Variants in DPP10 observed in about 807,000 individuals in gnomAD.
The protein encoded by DPP10 is inactive dipeptidyl peptidase 10.
Under a neutral mutation model 120.9 loss-of-function variants are expected in DPP10, and 33 were observed. The observed-to-expected ratio is 0.27, with a 90% CI of 0.21 to 0.37. The LOEUF (loss-of-function observed/expected upper bound fraction) is 0.37, where lower values mean the gene tolerates loss of function less well. Ranked by LOEUF, DPP10 falls within the 10% of genes least tolerant of loss-of-function variation. The pLI, the probability that DPP10 is intolerant of heterozygous loss-of-function variation, is 1.00. For synonymous variants in DPP10, 337 were observed against 326.1 expected (o/e 1.03, Z -0.36); for missense variants, 816 against 942.8 (o/e 0.87, Z 1.76).
At chr2:115,179,331 G>A (rs2053919877) in intron 1 of DPP10, among the ~76,000 whole-genome samples, 2 of 152,136 alleles carry the variant, frequency 1.3e-5, no homozygotes, top group South Asian at 4.1e-4. Flanking sequence ...CTAAAGGCTA[G>A]TAATGGACAT....
chr2:114,662,577 C>A (rs1356033823), intron 1 of DPP10, among the ~76,000 whole-genome samples: 2 of 152,186 alleles, frequency 1.3e-5, no homozygotes, highest in Non-Finnish European at 2.9e-5. Context: ...TTCCGGTTCT[C>A]AGAGGGCGCC....
chr2:114,741,010 G>A (rs1678003891), intron 1 of DPP10, among the ~76,000 whole-genome samples: 2 of 152,198 alleles, frequency 1.3e-5, no homozygotes, highest in Admixed American at 6.5e-5. Context: ...TGTGGGATAT[G>A]TGGATAACAG....
chr2:115,624,587 G>C (rs988821767), intron 5 of DPP10, among the ~76,000 whole-genome samples: 6 of 152,154 alleles, frequency 3.9e-5, no homozygotes, highest in Admixed American at 2.6e-4. Context: ...TGCATACTTT[G>C]CGTGAATAAC....
chr2:115,726,216 A>G (rs1037732583), intron 7 of DPP10, among the ~76,000 whole-genome samples: 35 of 152,198 alleles, frequency 2.3e-4, no homozygotes, highest in African/African-American at 8.4e-4. Flanking sequence ...TAACTAATAT[A>G]ACATGTACTC....
At chr2:115,763,092 A>G (rs1265434728) in intron 12 of DPP10, among the ~76,000 whole-genome samples, 1 of 152,158 alleles carries the variant, frequency 6.6e-6, no homozygotes, top group African/African-American at 2.4e-5. Context: ...AAACCTAATC[A>G]CTGTTACATG....
rs61161169 is a variant in DPP10 at position 115,603,122 on chromosome 2, CTGTGTGTGTGTGTG to C, written c.441+77184_441+77197del. Among the ~76,000 whole-genome samples, 196 of 144,004 alleles carry C rather than the reference CTGTGTGTGTGTGTG, an allele frequency of 1.4e-3. 1 individual carries two copies. Among genetic ancestry groups the C allele is most frequent in the South Asian group, 9.9e-3 (44 of 4,446 alleles). 94.5% of individuals were successfully genotyped at this position (144,004 alleles called of 152,430 possible). On this transcript the variant is annotated intron_variant, in intron 5 of 25. Coordinates refer to ENST00000410059, the MANE Select transcript of DPP10 (RefSeq NM_020868.6). ...GTTATCATTTAAAAAATAAATAAAA[CTGTGTGTGTGTGTG>C]TGTGTGTGTGTGTGTGTGTGTGTGT... is the stretch of plus-strand genomic sequence containing the variant.
At chr2:115,729,885 G>A (rs1355887247) in intron 8 of DPP10, among the ~76,000 whole-genome samples, 1 of 152,052 alleles carries the variant, frequency 6.6e-6, no homozygotes, top group South Asian at 2.1e-4. Context: ...AATTAGGAAG[G>A]AAAAATCTAA....
intron 1 of DPP10, among the ~76,000 whole-genome samples, chr2:115,147,681 A>G (rs1383287322): frequency 1.3e-5 from 2 of 152,180 alleles, no homozygotes; most frequent in Non-Finnish European, 2.9e-5. Context: ...CCAAAAATAT[A>G]AGAATATAAA....
chr2:114,677,861 G>A (rs759989120), intron 1 of DPP10, among the ~76,000 whole-genome samples: 2 of 152,122 alleles, frequency 1.3e-5, no homozygotes, highest in Non-Finnish European at 2.9e-5. Flanking sequence ...AGATTCATGA[G>A]AGTAGTTATT....
At chr2:114,702,343 T>A (rs1700434272) in intron 1 of DPP10, among the ~76,000 whole-genome samples, 1 of 151,824 alleles carries the variant, frequency 6.6e-6, no homozygotes, top group Non-Finnish European at 1.5e-5. Context: ...GGGAAGTCCC[T>A]TTAGGTGGAT....
At chr2:115,271,898 C>T (rs2059714337) in intron 1 of DPP10, among the ~76,000 whole-genome samples, 1 of 152,032 alleles carries the variant, frequency 6.6e-6, no homozygotes, top group South Asian at 2.1e-4. Context: ...TCATGAGTTC[C>T]ATTTGTGTTA....
At chr2:114,703,173 G>A (rs893128441) in intron 1 of DPP10, among the ~76,000 whole-genome samples, 3 of 151,956 alleles carry the variant, frequency 2.0e-5, no homozygotes, top group African/African-American at 7.3e-5. Flanking sequence ...GTAATTAAAT[G>A]GTTTTATTGA....
At chr2:115,270,897 TA>T (rs2059672433) in intron 1 of DPP10, among the ~76,000 whole-genome samples, 3 of 152,170 alleles carry the variant, frequency 2.0e-5, no homozygotes, top group African/African-American at 7.2e-5. Flanking sequence ...TGTTTTTTTT[TA>T]AGTTTATCTT....
chr2:114,923,709 G>A (rs998317222), intron 1 of DPP10, among the ~76,000 whole-genome samples: 8 of 140,488 alleles, frequency 5.7e-5, no homozygotes, highest in South Asian at 2.3e-4. Context: ...CTCATGATCC[G>A]CCCGCCTTGG....
At chr2:115,219,108 G>A (rs911313481) in intron 1 of DPP10, among the ~76,000 whole-genome samples, 5 of 152,046 alleles carry the variant, frequency 3.3e-5, no homozygotes, top group African/African-American at 1.2e-4. Flanking sequence ...GGCACAGAAA[G>A]TTCAGAGTTA....
chr2:115,088,907 A>G (rs1464205814), intron 1 of DPP10, among the ~76,000 whole-genome samples: 1 of 152,048 alleles, frequency 6.6e-6, no homozygotes, highest in Non-Finnish European at 1.5e-5. Flanking sequence ...CTAGGAAAAA[A>G]ACTTCTTAAT....
chr2:115,782,530 T>C, intron 17 of DPP10, 131 bp downstream of exon 17: 1 of 782,862 alleles, frequency 1.3e-6, no homozygotes, highest in East Asian at 2.6e-5. Context: ...AAGCTGCGTG[T>C]ATACCATCAA....
intron 1 of DPP10, among the ~76,000 whole-genome samples, chr2:115,215,261 T>C (rs2056751146): frequency 6.6e-6 from 1 of 152,196 alleles, no homozygotes; most frequent in African/African-American, 2.4e-5. Context: ...TGAAGAAATA[T>C]CTTTGTTTGT....
At chr2:114,474,721 A>T (rs1453851392) in intron 1 of DPP10, among the ~76,000 whole-genome samples, 1 of 152,224 alleles carries the variant, frequency 6.6e-6, no homozygotes, top group African/African-American at 2.4e-5. Context: ...TATGTCTGGG[A>T]CACAACTTTG....
Sources: gnomAD v4.1 joint callset for allele counts (sites outside exome capture counted in the v4.1 genomes callset) on GRCh38, gnomAD v4.1.1 for gene constraint, MANE v1.5 for transcripts, NCBI Gene and HGNC (gene_info 2026-07-23, HGNC 2026-07-21) for gene names.